FBXO4: variants seen among roughly 807,000 people sequenced by gnomAD.
The protein encoded by FBXO4 is F-box protein 4, also known as F-box only protein 4.
Under a neutral mutation model 43.7 loss-of-function variants are expected in FBXO4, and 36 were observed. That is an observed-to-expected ratio of 0.82 (90% CI 0.63 to 1.09). FBXO4 has a LOEUF of 1.09. FBXO4 is among the 50% of genes least tolerant of loss of function. The pLI is 0.00. For missense variants in FBXO4, 435 were observed against 474.1 expected, an observed-to-expected ratio of 0.92 and a Z score of 0.77; for synonymous variants, 180 against 165.6, an observed-to-expected ratio of 1.09 and a Z score of -0.67.
the FBXO4 span, among the ~76,000 whole-genome samples, chr5:42,019,407 G>A: frequency 2.6e-5 from 4 of 152,062 alleles, no homozygotes; most frequent in Admixed American, 2.0e-4. Flanking sequence ...TGTAAAATTA[G>A]GCCAGGTGCA....
At chr5:42,011,653 A>G in the FBXO4 span, among the ~76,000 whole-genome samples, 22 of 152,320 alleles carry the variant, frequency 1.4e-4, no homozygotes, top group African/African-American at 5.3e-4. Context: ...TATTATAAGA[A>G]ACTATATTAT....
At chr5:41,957,455 T>C in the FBXO4 span, among the ~76,000 whole-genome samples, 2 of 147,886 alleles carry the variant, frequency 1.4e-5, no homozygotes, top group Non-Finnish European at 3.0e-5. Context: ...AATTATATTA[T>C]AATTATATTA....
the FBXO4 span, among the ~76,000 whole-genome samples, chr5:41,980,709 G>T: frequency 5.3e-5 from 8 of 151,396 alleles, no homozygotes; most frequent in African/African-American, 1.9e-4. Flanking sequence ...CATTTACTTA[G>T]ATTTATCCAA....
the FBXO4 span, among the ~76,000 whole-genome samples, chr5:41,947,068 G>A: frequency 1.3e-5 from 2 of 152,128 alleles, no homozygotes; most frequent in Non-Finnish European, 2.9e-5. Context: ...GAATAAATAG[G>A]TGATACATAA....
the FBXO4 span, among the ~76,000 whole-genome samples, chr5:41,964,385 TC>T: frequency 6.6e-6 from 1 of 152,128 alleles, no homozygotes; most frequent in African/African-American, 2.4e-5. Flanking sequence ...TCTCTTTTTT[TC>T]ATACCACAGC....
At chr5:41,942,850 C>A (rs917567172), downstream of FBXO4, among the ~76,000 whole-genome samples, 4 of 152,018 alleles carry the variant, frequency 2.6e-5, no homozygotes, top group African/African-American at 4.8e-5. Context: ...GAGCCATTTG[C>A]ATTTTAGATG....
At chr5:41,999,501 ATATG>A in the FBXO4 span, among the ~76,000 whole-genome samples, 398 of 75,406 alleles carry the variant, frequency 5.3e-3, 6 homozygotes, top group African/African-American at 0.024. Flanking sequence ...ATACATATAT[ATATG>A]TGTATATATA....
the FBXO4 span, among the ~76,000 whole-genome samples, chr5:42,032,512 C>T: frequency 6.6e-6 from 1 of 152,198 alleles, no homozygotes; most frequent in Non-Finnish European, 1.5e-5. Flanking sequence ...TTAGCCCCCA[C>T]CACTATAGAC....
chr5:41,988,983 G>A, the FBXO4 span, among the ~76,000 whole-genome samples: 3 of 152,252 alleles, frequency 2.0e-5, no homozygotes, highest in South Asian at 4.1e-4. Flanking sequence ...CTTCTAAGGC[G>A]CATAAATGCT....
chr5:41,978,990 G>T, the FBXO4 span, among the ~76,000 whole-genome samples: 1 of 151,250 alleles, frequency 6.6e-6, no homozygotes, highest in South Asian at 2.1e-4. Flanking sequence ...GTTTTTTTTT[G>T]TAAAACGCTA....
At chr5:41,960,797 T>G in the FBXO4 span, among the ~76,000 whole-genome samples, 1 of 152,152 alleles carries the variant, frequency 6.6e-6, no homozygotes, top group Non-Finnish European at 1.5e-5. Context: ...TATTTTGGTC[T>G]TTTTTTATTT....
intron 5 of FBXO4, chr5:41,934,778 G>T: frequency 9.9e-7 from 1 of 1,005,370 alleles, no homozygotes; most frequent in Non-Finnish European, 1.2e-6. Context: ...GTGATGGTAG[G>T]GTGTTAAGTA....
chr5:41,999,547 A>ATATG, the FBXO4 span, among the ~76,000 whole-genome samples: 36 of 81,290 alleles, frequency 4.4e-4, no homozygotes, highest in Non-Finnish European at 7.0e-4. Context: ...ATATATATGT[A>ATATG]TATATATATA....
At chr5:41,960,762 A>G in the FBXO4 span, among the ~76,000 whole-genome samples, 6 of 152,106 alleles carry the variant, frequency 3.9e-5, no homozygotes, top group Admixed American at 2.0e-4. Flanking sequence ...TTGTTTTACA[A>G]TTTTAATCTC....
At chr5:41,948,186 A>G in the FBXO4 span, among the ~76,000 whole-genome samples, 3 of 142,440 alleles carry the variant, frequency 2.1e-5, no homozygotes, top group Non-Finnish European at 4.5e-5. Flanking sequence ...CCCAGGCTGG[A>G]GTGCAGTGGC....
the FBXO4 span, among the ~76,000 whole-genome samples, chr5:41,985,462 C>T: frequency 6.6e-6 from 1 of 152,104 alleles, no homozygotes; most frequent in Non-Finnish European, 1.5e-5. Flanking sequence ...AAAGTAGTTT[C>T]CAATTTACTT....
the FBXO4 span, among the ~76,000 whole-genome samples, chr5:41,978,164 C>G: frequency 6.6e-6 from 1 of 152,046 alleles, no homozygotes; most frequent in Non-Finnish European, 1.5e-5. Context: ...TGGGGAGATG[C>G]CATGCTCTTT....
At chr5:41,954,514 A>G in the FBXO4 span, among the ~76,000 whole-genome samples, 3 of 152,202 alleles carry the variant, frequency 2.0e-5, no homozygotes, top group Non-Finnish European at 2.9e-5. Flanking sequence ...ACTGAATCAT[A>G]TAATCATAAT....
chr5:42,024,774 T>C, the FBXO4 span, among the ~76,000 whole-genome samples: 52 of 152,178 alleles, frequency 3.4e-4, no homozygotes, highest in African/African-American at 7.2e-5. Context: ...TTTTGATTTT[T>C]AGATCCCACA....
Sources: allele counts gnomAD v4.1 joint callset (sites outside exome capture counted in the v4.1 genomes callset), GRCh38; gene constraint gnomAD v4.1.1; transcripts MANE v1.5; gene names NCBI Gene and HGNC (gene_info 2026-07-23, HGNC 2026-07-21).